The following ART3 variants were observed in gnomAD, a reference collection of about 807,000 sequenced individuals.
ART3 encodes the protein ADP-ribosyltransferase 3 (inactive).
In ART3, 49 loss-of-function variants were observed where a neutral mutation model predicts 48.5. The observed-to-expected ratio is 1.01, with a 90% CI of 0.80 to 1.28. ART3 has a LOEUF of 1.28. Among genes scored for constraint, ART3 ranks in the 50% most tolerant of loss-of-function variants. ART3 has a pLI of 0.00. For synonymous variants in ART3, 145 were observed against 157.2 expected (o/e 0.92, Z 0.58); for missense variants, 438 against 454.3 (o/e 0.96, Z 0.33).
intron 10 of ART3, chr4:76,106,067 C>T (rs1728400403): frequency 2.0e-6 from 2 of 985,144 alleles, no homozygotes; most frequent in Admixed American, 6.1e-5. Flanking sequence ...TACACAGGAG[C>T]TCATTTAATC....
chr4:76,021,826 C>G (rs1732844872), intron 1 of ART3: 2 of 1,145,920 alleles, frequency 1.7e-6, no homozygotes. Context: ...AAACTAAGAA[C>G]AATTATGGCT....
intron 2 of ART3, among the ~76,000 whole-genome samples, chr4:76,080,671 C>T (rs1722260446): frequency 6.6e-6 from 1 of 151,822 alleles, no homozygotes; most frequent in African/African-American, 2.4e-5. Context: ...CCACTACGCT[C>T]AGCTAATTTT....
In ART3 at chr4:76,076,130, C is replaced by T. The variant is rs570419385; in HGVS notation, c.69+172C>T. Among the ~76,000 whole-genome samples the T allele has an allele frequency of 7.9e-5, 12 of 152,056 alleles. No homozygotes were observed. The South Asian group carries it at 2.1e-3, about 26-fold the overall frequency. On this transcript the variant is annotated intron_variant, in intron 2 of 11. Transcript: ENST00000355810. Reference sequence around the variant, plus strand: ...TGCCATTTTCCTGCCTCAGCCTCCCCAGTAGCTAGGACTACAGGCGCCTGC... The same window carrying T: ...TGCCATTTTCCTGCCTCAGCCTCCCTAGTAGCTAGGACTACAGGCGCCTGC...
chr4:76,022,814 A>G (rs1449452927), intron 1 of ART3: 3 of 1,608,038 alleles, frequency 1.9e-6, no homozygotes, highest in South Asian at 2.2e-5. Flanking sequence ...AGAGAGAGGT[A>G]CTCCTGTAGG....
At chr4:76,093,947 G>A (rs1366786338) in intron 3 of ART3, among the ~76,000 whole-genome samples, 1 of 152,184 alleles carries the variant, frequency 6.6e-6, no homozygotes, top group Non-Finnish European at 1.5e-5. Flanking sequence ...TGGAGGTTGG[G>A]CCTTCAAGAA....
At chr4:76,073,014 C>G (rs1720480436), upstream of ART3, among the ~76,000 whole-genome samples, 1 of 152,144 alleles carries the variant, frequency 6.6e-6, no homozygotes, top group Non-Finnish European at 1.5e-5. Context: ...TAAACAAAAG[C>G]CAAAACCATA....
chr4:76,046,363 A>ATTCCTCTAT (rs1735500004), intron 1 of ART3, among the ~76,000 whole-genome samples: 1 of 151,970 alleles, frequency 6.6e-6, no homozygotes, highest in Non-Finnish European at 1.5e-5. Context: ...GATATAGAGG[A>ATTCCTCTAT]ATTACTGCCT....
At chr4:76,038,262 A>G (rs956334308) in intron 1 of ART3, among the ~76,000 whole-genome samples, 2 of 152,164 alleles carry the variant, frequency 1.3e-5, no homozygotes, top group African/African-American at 4.8e-5. Flanking sequence ...TGTTGTAATT[A>G]TTCTATATAT....
chr4:76,093,183 A>G (rs1016866321), intron 3 of ART3, among the ~76,000 whole-genome samples: 7 of 152,094 alleles, frequency 4.6e-5, no homozygotes, highest in African/African-American at 1.7e-4. Context: ...GCACTTTGGG[A>G]GGCTGAGGCA....
rs564159436 is a variant in ART3 at position 76,017,764 on chromosome 4, C to T, written c.-10+6444C>T. Among the ~76,000 whole-genome samples, 5 of 152,348 alleles carry T rather than the reference C, an allele frequency of 3.3e-5. No individual in the cohort carries two copies. In the East Asian group the frequency reaches 9.6e-4, roughly 29 times the overall value. On this transcript the variant is annotated intron_variant, in intron 1 of 9. Coordinates refer to the ART3 transcript ENST00000341029. ...AGACTTGCCAAAACTCAACTTCTAA[C>T]CACTAGGATGGGTGATTCCCCTTTG...
chr4:76,065,291 T>G (rs1244154925), intron 1 of ART3, among the ~76,000 whole-genome samples: 2 of 152,190 alleles, frequency 1.3e-5, no homozygotes, highest in African/African-American at 4.8e-5. Flanking sequence ...GTATTATTAT[T>G]GTATACTTTT....
chr4:76,084,250 T>C (rs1723086773), intron 3 of ART3, among the ~76,000 whole-genome samples: 1 of 152,142 alleles, frequency 6.6e-6, no homozygotes, highest in South Asian at 2.1e-4. Context: ...GATCTCCTAT[T>C]TCTTGGATTT....
At chr4:76,033,717 G>C (rs1490463406) in intron 1 of ART3, 1 of 152,026 alleles carries the variant, frequency 6.6e-6, no homozygotes, top group African/African-American at 2.4e-5. Context: ...TAGTTTATTA[G>C]AGAAAAAAAT....
intron 1 of ART3, chr4:76,021,951 G>A: frequency 6.2e-7 from 1 of 1,610,462 alleles, no homozygotes; most frequent in Non-Finnish European, 8.5e-7. Flanking sequence ...TTTTAGACCT[G>A]TAAGAAGAGA....
chr4:76,068,733 T>C (rs1719992780), intron 1 of ART3, among the ~76,000 whole-genome samples: 2 of 152,188 alleles, frequency 1.3e-5, no homozygotes, highest in African/African-American at 4.8e-5. Flanking sequence ...AACAAACCCC[T>C]CTGACACGAG....
rs1728434614 is a variant in ART3, at chr4:76,106,193, T to C, written c.1003+1564T>C. 4 of 985,458 alleles carry C rather than the reference T, an allele frequency of 4.1e-6. No individual in the cohort carries two copies. In the South Asian group the frequency reaches 1.9e-4, roughly 46 times the overall value. The allele number at this position is 985,458 out of a possible 1,614,324, so 61.0% of individuals were successfully genotyped here. On this transcript the variant is annotated intron_variant, in intron 10 of 11. Coordinates refer to ENST00000355810, the MANE Select transcript of ART3 (RefSeq NM_001130016.3). Reference sequence around the variant, plus strand: ...CTCAAACTTTTCAAGCTTTGTTCACTTTGTGCTACACTTGTCTTCCAAACA... The same window carrying C: ...CTCAAACTTTTCAAGCTTTGTTCACCTTGTGCTACACTTGTCTTCCAAACA...
chr4:76,101,223 C>T (rs1023439897), intron 8 of ART3, among the ~76,000 whole-genome samples: 22 of 152,158 alleles, frequency 1.4e-4, no homozygotes, highest in African/African-American at 5.3e-4. Flanking sequence ...TTTCTCCTGT[C>T]TAACAATCTT....
At chr4:76,045,345 A>G (rs987923304) in intron 1 of ART3, among the ~76,000 whole-genome samples, 3 of 152,070 alleles carry the variant, frequency 2.0e-5, no homozygotes, top group African/African-American at 7.2e-5. Flanking sequence ...CCAGTCCCTC[A>G]AGGAGTAGTG....
chr4:76,025,401 A>G (rs1733285654), intron 1 of ART3, among the ~76,000 whole-genome samples: 1 of 152,246 alleles, frequency 6.6e-6, no homozygotes, highest in Non-Finnish European at 1.5e-5. Flanking sequence ...TATATAGAAG[A>G]CAATGTAAAA....
Sources: gnomAD v4.1 joint callset for allele counts (sites outside exome capture counted in the v4.1 genomes callset) on GRCh38, gnomAD v4.1.1 for gene constraint, MANE v1.5 for transcripts, NCBI Gene and HGNC (gene_info 2026-07-23, HGNC 2026-07-21) for gene names.